Variants in CTNNA3 observed in about 807,000 individuals in gnomAD.
The protein encoded by CTNNA3 is catenin alpha-3.
CTNNA3 carries 76 observed loss-of-function variants against 95.7 expected under a neutral mutation model. That is an observed-to-expected ratio of 0.79 (90% CI 0.66 to 0.96). The LOEUF (loss-of-function observed/expected upper bound fraction) is 0.96. Ranked by LOEUF, CTNNA3 falls within the 40% of genes least tolerant of loss-of-function variation. The probability of loss-of-function intolerance (pLI) is 0.00; values close to 1 mark genes in which losing one functional copy is unlikely to be tolerated. For missense variants in CTNNA3, 1,191 were observed against 1,089.8 expected (o/e 1.09, Z -1.31); for synonymous variants, 431 against 374.4 (o/e 1.15, Z -1.74).
chr10:67,727,220 T>C (rs1841239983), intron 1 of CTNNA3, among the ~76,000 whole-genome samples: 1 of 126,216 alleles, frequency 7.9e-6, no homozygotes, highest in South Asian at 2.3e-4. Flanking sequence ...TGTATATATG[T>C]ATATTACATA....
At chr10:67,623,989 T>G (rs1843938173) in intron 2 of CTNNA3, among the ~76,000 whole-genome samples, 1 of 151,948 alleles carries the variant, frequency 6.6e-6, no homozygotes, top group Non-Finnish European at 1.5e-5. Context: ...GCCTGGCTAA[T>G]TTTTTGTATT....
intron 11 of CTNNA3, among the ~76,000 whole-genome samples, chr10:66,510,607 G>T (rs192063563): frequency 6.6e-6 from 1 of 151,796 alleles, no homozygotes; most frequent in African/African-American, 2.4e-5. Context: ...TATCATAAAG[G>T]GATGATGAAT....
chr10:66,678,286 C>G lies in CTNNA3; in HGVS notation c.1282-56502G>C, dbSNP rs1459415140. Among the ~76,000 whole-genome samples the G allele has an allele frequency of 6.6e-5, 10 of 152,258 alleles. No homozygotes were observed. In the East Asian group the frequency reaches 1.9e-3, roughly 29 times the overall value. On this transcript the variant is annotated intron_variant, in intron 9 of 17. Coordinates refer to ENST00000433211, the MANE Select transcript of CTNNA3 (RefSeq NM_013266.4). ...ATGCTTTTGTGCTCTCATAATTATC[C>G]TGACTCAGAAAGCCTTTACTAGCCT...
chr10:67,350,906 A>C (rs1357474861), intron 5 of CTNNA3, among the ~76,000 whole-genome samples: 1 of 58,576 alleles, frequency 1.7e-5, no homozygotes, highest in Non-Finnish European at 4.5e-5. Context: ...TGAAAAAAGT[A>C]TGTGTATATA....
chr10:66,782,432 CTG>C (rs1485535621), intron 7 of CTNNA3, among the ~76,000 whole-genome samples: 4 of 152,102 alleles, frequency 2.6e-5, no homozygotes, highest in Admixed American at 2.6e-4. Context: ...AATTCATAAT[CTG>C]AGACTCAGCT....
chr10:66,848,738 C>T (rs768315979), intron 7 of CTNNA3, among the ~76,000 whole-genome samples: 1 of 152,116 alleles, frequency 6.6e-6, no homozygotes, highest in African/African-American at 2.4e-5. Flanking sequence ...CATATCAGAA[C>T]AGTAGGTAGG....
intron 2 of CTNNA3, among the ~76,000 whole-genome samples, chr10:67,646,019 A>T (rs971879905): frequency 2.0e-5 from 3 of 149,462 alleles, no homozygotes; most frequent in Non-Finnish European, 4.4e-5. Context: ...AAGTACAAAG[A>T]TGATAAAAAT....
intron 10 of CTNNA3, among the ~76,000 whole-genome samples, chr10:66,530,641 G>A (rs1291326653): frequency 6.6e-6 from 1 of 152,068 alleles, no homozygotes; most frequent in Admixed American, 6.6e-5. Context: ...GGAGGGTGTG[G>A]TGCTGAGGAG....
chr10:66,170,944 G>T (rs1241569486), intron 13 of CTNNA3, among the ~76,000 whole-genome samples: 3 of 151,478 alleles, frequency 2.0e-5, no homozygotes, highest in East Asian at 2.0e-4. Context: ...GACCACCCCA[G>T]CCAACATGGT....
intron 17 of CTNNA3, among the ~76,000 whole-genome samples, chr10:65,933,623 A>T: frequency 6.6e-6 from 1 of 152,180 alleles, no homozygotes. Flanking sequence ...TGCCTTTAAG[A>T]TCTTCCTCAT....
At chr10:67,201,764 A>G (rs545621716) in intron 6 of CTNNA3, among the ~76,000 whole-genome samples, 1 of 152,338 alleles carries the variant, frequency 6.6e-6, no homozygotes, top group East Asian at 1.9e-4. Context: ...GGAACTAAGC[A>G]GAGTCCAAGT....
In CTNNA3 at chr10:66,354,123, A is replaced by G. The variant is rs958025089; in HGVS notation, c.1732+25029T>C. Among the ~76,000 whole-genome samples, 4 of 152,010 alleles carry G rather than the reference A, an allele frequency of 2.6e-5. No homozygotes were observed. The East Asian group carries it at 7.8e-4, about 30-fold the overall frequency. On this transcript the variant is annotated intron_variant, in intron 12 of 17. Coordinates refer to ENST00000433211, the MANE Select transcript of CTNNA3 (RefSeq NM_013266.4). ...CATGGCAAAACCCCGTCTCTACTAAAGACACAAACAATTAGCTGGGCATGG... is the reference window on the plus strand; with the variant it reads ...CATGGCAAAACCCCGTCTCTACTAAGGACACAAACAATTAGCTGGGCATGG...
intron 1 of CTNNA3, among the ~76,000 whole-genome samples, chr10:67,735,931 G>C (rs1841300085): frequency 1.3e-5 from 2 of 152,068 alleles, no homozygotes. Flanking sequence ...AACAAAATGT[G>C]TATACTCATG....
intron 13 of CTNNA3, among the ~76,000 whole-genome samples, chr10:66,182,741 A>T (rs536917336): frequency 0.086 from 5,751 of 67,066 alleles, 367 homozygotes; most frequent in African/African-American, 0.32. Flanking sequence ...ATTTTTTTTT[A>T]AAAGAAATAA....
At chr10:67,386,713 G>A (rs1844181501) in intron 5 of CTNNA3, among the ~76,000 whole-genome samples, 2 of 152,218 alleles carry the variant, frequency 1.3e-5, no homozygotes, top group South Asian at 2.1e-4. Flanking sequence ...GCCAGAACAC[G>A]AAAAATGAGG....
intron 3 of CTNNA3, among the ~76,000 whole-genome samples, chr10:67,551,269 C>T (rs12771313): frequency 3.7e-4 from 57 of 152,170 alleles, no homozygotes; most frequent in Non-Finnish European, 6.9e-4. Flanking sequence ...ACACAAGTGG[C>T]TGGACGTGAA....
At chr10:66,171,621 G>A (rs976243194) in intron 13 of CTNNA3, among the ~76,000 whole-genome samples, 7 of 151,882 alleles carry the variant, frequency 4.6e-5, no homozygotes, top group East Asian at 3.9e-4. Flanking sequence ...GCATGTGTTC[G>A]TTATGATGTC....
intron 14 of CTNNA3, among the ~76,000 whole-genome samples, chr10:66,081,351 G>A (rs1182949085): frequency 2.6e-5 from 4 of 152,056 alleles, no homozygotes; most frequent in Admixed American, 6.6e-5. Flanking sequence ...GTGGCTCATG[G>A]CTGTAATTCC....
intron 7 of CTNNA3, among the ~76,000 whole-genome samples, chr10:66,778,924 C>T (rs1237447973): frequency 2.6e-5 from 4 of 151,942 alleles, no homozygotes; most frequent in Non-Finnish European, 4.4e-5. Context: ...TGCAGTGAGC[C>T]GAGATCGCGC....
Sources: gnomAD v4.1 joint callset for allele counts (sites outside exome capture counted in the v4.1 genomes callset) on GRCh38, gnomAD v4.1.1 for gene constraint, MANE v1.5 for transcripts, NCBI Gene and HGNC (gene_info 2026-07-23, HGNC 2026-07-21) for gene names.